The following GPR158 variants were observed in gnomAD, a reference collection of about 807,000 sequenced individuals.
GPR158 encodes G protein-coupled receptor 158, also known as metabotropic glycine receptor.
A neutral mutation model predicts 78.2 loss-of-function variants in GPR158; 30 were observed. The observed-to-expected ratio is 0.38, with a 90% confidence interval of 0.29 to 0.52. The LOEUF (loss-of-function observed/expected upper bound fraction) is 0.52, where lower values mean the gene tolerates loss of function less well. GPR158 is among the 20% of genes least tolerant of loss of function. GPR158 has a pLI of 0.83. For synonymous variants in GPR158, 581 were observed against 591.1 expected, an observed-to-expected ratio of 0.98 and a Z score of 0.25; for missense variants, 1,463 against 1,523.5, an observed-to-expected ratio of 0.96 and a Z score of 0.66.
chr10:25,514,453 G>A (rs1461533010), intron 5 of GPR158, among the ~76,000 whole-genome samples: 2 of 152,010 alleles, frequency 1.3e-5, no homozygotes, highest in Non-Finnish European at 2.9e-5. Context: ...CTTGGTTGGT[G>A]AATTCTTTTC....
chr10:25,289,667 T>G (rs7075252), intron 2 of GPR158, among the ~76,000 whole-genome samples: 75,076 of 151,748 alleles, frequency 0.49, 19,097 homozygotes, highest in Non-Finnish European at 0.56. Flanking sequence ...TGATCCGCCC[T>G]CCTCTGCCTC....
At chr10:25,421,713 T>C (rs1175917590) in intron 4 of GPR158, among the ~76,000 whole-genome samples, 2 of 152,184 alleles carry the variant, frequency 1.3e-5, no homozygotes, top group Non-Finnish European at 2.9e-5. Context: ...TAATAAAATA[T>C]CACATTATTA....
intron 2 of GPR158, among the ~76,000 whole-genome samples, chr10:25,323,369 C>A (rs796732870): frequency 1.1e-4 from 17 of 152,260 alleles, no homozygotes; most frequent in African/African-American, 3.4e-4. Context: ...TAGCAAGAGA[C>A]TCACTCAGCC....
intron 2 of GPR158, among the ~76,000 whole-genome samples, chr10:25,312,805 TTTC>T (rs758435635): frequency 6.6e-6 from 1 of 152,150 alleles, no homozygotes; most frequent in Non-Finnish European, 1.5e-5. Flanking sequence ...ATTGAATCAT[TTTC>T]TTCTAGTGGT....
chr10:25,371,926 T>C (rs10764533), intron 2 of GPR158, among the ~76,000 whole-genome samples: 3 of 143,116 alleles, frequency 2.1e-5, no homozygotes, highest in Non-Finnish European at 4.6e-5. Flanking sequence ...GGCAACCTAC[T>C]AAATGGGAGA....
intron 5 of GPR158, among the ~76,000 whole-genome samples, chr10:25,505,494 C>T (rs1181221169): frequency 6.6e-6 from 1 of 152,118 alleles, no homozygotes; most frequent in African/African-American, 2.4e-5. Context: ...TCTTTTGCAC[C>T]TTTTACTTCA....
intron 2 of GPR158, among the ~76,000 whole-genome samples, chr10:25,319,484 T>C (rs1854914383): frequency 6.6e-6 from 1 of 152,158 alleles, no homozygotes; most frequent in Admixed American, 6.5e-5. Context: ...TTGCAGAATT[T>C]CTAAGAGAAT....
intron 2 of GPR158, among the ~76,000 whole-genome samples, chr10:25,242,800 A>C (rs901575814): frequency 6.6e-6 from 1 of 152,178 alleles, no homozygotes; most frequent in African/African-American, 2.4e-5. Context: ...AGGGAATCTC[A>C]GAGAATATAT....
intron 2 of GPR158, among the ~76,000 whole-genome samples, chr10:25,318,568 G>A (rs948926514): frequency 1.3e-5 from 2 of 151,960 alleles, no homozygotes; most frequent in African/African-American, 4.8e-5. Flanking sequence ...CAAATCTACT[G>A]GAAAATGTCA....
chr10:25,538,113 C>G (rs1397923649), intron 5 of GPR158, among the ~76,000 whole-genome samples: 2 of 152,134 alleles, frequency 1.3e-5, no homozygotes, highest in Non-Finnish European at 2.9e-5. Flanking sequence ...ACATTCTGCT[C>G]ACTAGTGTGT....
rs76595869 is a variant in GPR158, at chr10:25,335,125, C to T, written c.1009-60786C>T. On this transcript the variant is annotated intron_variant, in intron 2 of 10. Transcript: ENST00000376351. Reference sequence around the variant, plus strand: ...AGGATATAAGTATGGTCAACAGATTCTTGTGATGTTATGTTTCTAGAATAA... The same window carrying T: ...AGGATATAAGTATGGTCAACAGATTTTTGTGATGTTATGTTTCTAGAATAA... 1.3e-4 allele frequency among the ~76,000 whole-genome samples: 20 copies of T among 152,186 alleles called. No homozygotes were observed. In the East Asian group the frequency reaches 3.9e-3, roughly 29 times the overall value.
intron 5 of GPR158, among the ~76,000 whole-genome samples, chr10:25,512,002 C>T (rs536778657): frequency 1.3e-5 from 2 of 152,044 alleles, no homozygotes; most frequent in East Asian, 1.9e-4. Flanking sequence ...CTTAGTCTTG[C>T]TTTGGTTATG....
At chr10:25,483,374 T>A (rs1835685498) in intron 5 of GPR158, among the ~76,000 whole-genome samples, 1 of 151,840 alleles carries the variant, frequency 6.6e-6, no homozygotes, top group Non-Finnish European at 1.5e-5. Flanking sequence ...TGCTTTTTCC[T>A]CCCCCCTTTC....
chr10:25,516,191 T>G (rs1438686636), intron 5 of GPR158, among the ~76,000 whole-genome samples: 1 of 151,958 alleles, frequency 6.6e-6, no homozygotes, highest in African/African-American at 2.4e-5. Flanking sequence ...TCTGCTCATG[T>G]CCTTTGCCCA....
chr10:25,289,522 T>A (rs960170440), intron 2 of GPR158, among the ~76,000 whole-genome samples: 1 of 152,104 alleles, frequency 6.6e-6, no homozygotes, highest in African/African-American at 2.4e-5. Context: ...AAGCTCTGCC[T>A]CCTGGGTTCA....
rs1564498202 is a variant in GPR158 at position 25,586,390 on chromosome 10, A to ATTTTTTTTTTTTT, written c.1754-2617_1754-2616insTTTTTTTTTTTTT. ...CCAGGGTTGTAAGTAGGTATGTGTG[A>ATTTTTTTTTTTTT]ATTTTTTTTTTTTTTTTTTTTTTTT... On this transcript the variant is annotated intron_variant, in intron 7 of 10. Transcript: ENST00000376351. 6.1e-5 allele frequency among the ~76,000 whole-genome samples: 8 copies of ATTTTTTTTTTTTT among 130,942 alleles called. 3 individuals carry two copies. The highest frequency in any genetic ancestry group is 8.1e-5 in the Non-Finnish European group (5 of 61,846). The allele number at this position is 130,942 out of a possible 152,430, so 85.9% of individuals were successfully genotyped here. A position where few individuals can be genotyped will look rare whatever the true frequency, so the allele number is the denominator to read the frequency against.
intron 4 of GPR158, among the ~76,000 whole-genome samples, chr10:25,463,212 T>G (rs911934668): frequency 1.3e-5 from 2 of 152,230 alleles, no homozygotes; most frequent in African/African-American, 4.8e-5. Context: ...ATAAAGTATT[T>G]TTTTCCTTAA....
intron 2 of GPR158, among the ~76,000 whole-genome samples, chr10:25,338,073 C>T (rs1223324456): frequency 6.6e-6 from 1 of 151,562 alleles, no homozygotes. Context: ...TGCAGCTTGC[C>T]TTTTCACTCT....
intron 1 of GPR158, among the ~76,000 whole-genome samples, chr10:25,190,044 A>G (rs1337351213): frequency 6.6e-6 from 1 of 152,102 alleles, no homozygotes; most frequent in African/African-American, 2.4e-5. Context: ...ACCATTGAGC[A>G]GTTTTATAGT....
Sources: gnomAD v4.1 joint callset for allele counts (sites outside exome capture counted in the v4.1 genomes callset) on GRCh38, gnomAD v4.1.1 for gene constraint, MANE v1.5 for transcripts, NCBI Gene and HGNC (gene_info 2026-07-23, HGNC 2026-07-21) for gene names.